NOX4: variants seen among roughly 807,000 people sequenced by gnomAD.
The protein encoded by NOX4 is kidney oxidase-1.
Under a neutral mutation model 87.6 loss-of-function variants are expected in NOX4, and 69 were observed. The ratio of observed to expected loss-of-function variants is 0.79; its 90% CI spans 0.65 to 0.96. The LOEUF is 0.96. NOX4 is among the 40% of genes least tolerant of loss of function. NOX4 has a pLI of 0.00. For missense variants in NOX4, 680 were observed against 681.5 expected (o/e 1.00, Z 0.02); for synonymous variants, 275 against 238.2 (o/e 1.15, Z -1.42).
rs182482077 is a variant in NOX4 at position 89,345,538 on chromosome 11, C to T, written c.1218-3345G>A. ...AACCAATACTGTACTCTACAGTGTACAGCAGCATTCAATACAGGTAGGTAA... is the reference window on the plus strand; with the variant it reads ...AACCAATACTGTACTCTACAGTGTATAGCAGCATTCAATACAGGTAGGTAA... On this transcript the variant is annotated intron_variant, in intron 13 of 17. Coordinates refer to ENST00000263317, the MANE Select transcript of NOX4 (RefSeq NM_016931.5). Among the ~76,000 whole-genome samples, 540 of 152,140 alleles carry T rather than the reference C, an allele frequency of 3.5e-3. 3 individuals carry two copies. The highest frequency in any genetic ancestry group is 6.8e-3 in the Middle Eastern group (2 of 294).
the NOX4 span, among the ~76,000 whole-genome samples, chr11:89,512,186 G>T: frequency 6.6e-6 from 1 of 151,928 alleles, no homozygotes; most frequent in South Asian, 2.1e-4. Context: ...ATATGCAAAC[G>T]CCCATGGAAC....
In NOX4 at chr11:89,340,742, C is replaced by T. The variant is rs146528157; in HGVS notation, c.1338-571G>A. On this transcript the variant is annotated intron_variant, in intron 14 of 17. Transcript: ENST00000263317. The stretch of plus-strand genomic sequence containing the variant: ...CAACTCATAATTCCAAGTCTGGATC[C>T]CCATTTATAAAGTAGGCTTGAGGTT... 1.4e-4 allele frequency among the ~76,000 whole-genome samples: 22 copies of T among 152,226 alleles called. No homozygotes were observed. In the East Asian group the frequency reaches 4.3e-3, roughly 29 times the overall value.
At chr11:89,446,432 A>G (rs1045329276) in intron 4 of NOX4, among the ~76,000 whole-genome samples, 1 of 152,126 alleles carries the variant, frequency 6.6e-6, no homozygotes, top group Non-Finnish European at 1.5e-5. Flanking sequence ...CAGCAGCTTT[A>G]TTCATTATTG....
intron 12 of NOX4, among the ~76,000 whole-genome samples, chr11:89,362,512 T>C (rs1280788816): frequency 1.3e-5 from 2 of 152,118 alleles, no homozygotes; most frequent in African/African-American, 2.4e-5. Flanking sequence ...TGATCATATA[T>C]AATAGCTTTT....
At chr11:89,371,522 T>G (rs1251219534) in intron 12 of NOX4, among the ~76,000 whole-genome samples, 1 of 151,536 alleles carries the variant, frequency 6.6e-6, no homozygotes, top group African/African-American at 2.4e-5. Context: ...CCATCAGGAG[T>G]TTCTGCTTAA....
At chr11:89,468,320 T>A (rs1945792728) in intron 2 of NOX4, among the ~76,000 whole-genome samples, 1 of 152,240 alleles carries the variant, frequency 6.6e-6, no homozygotes, top group African/African-American at 2.4e-5. Flanking sequence ...CCTAAATCAA[T>A]CTTGCTTTCT....
At chr11:89,547,242 C>A in the NOX4 span, among the ~76,000 whole-genome samples, 1 of 151,920 alleles carries the variant, frequency 6.6e-6, no homozygotes. Context: ...TGGGGGGGGA[C>A]AATTGATACC....
At chr11:89,373,623 A>T (rs1939622160) in intron 11 of NOX4, 131 bp from the exon 12 acceptor site, 1 of 598,556 alleles carries the variant, frequency 1.7e-6, no homozygotes. Flanking sequence ...ACTAAAATCT[A>T]TACAGATCCT....
At chr11:89,448,305 G>A (rs753222389) in intron 4 of NOX4, among the ~76,000 whole-genome samples, 4 of 152,134 alleles carry the variant, frequency 2.6e-5, no homozygotes, top group East Asian at 1.9e-4. Flanking sequence ...TAGAACCTAC[G>A]CATGGACTCC....
chr11:89,373,869 C>T (rs1046410617), intron 11 of NOX4, among the ~76,000 whole-genome samples: 17 of 151,974 alleles, frequency 1.1e-4, no homozygotes, highest in Admixed American at 3.9e-4. Context: ...GTCATTTTCT[C>T]CCTAGATAAT....
the NOX4 span, among the ~76,000 whole-genome samples, chr11:89,579,677 G>A: frequency 6.6e-6 from 1 of 152,188 alleles, no homozygotes; most frequent in Admixed American, 6.5e-5. Context: ...TTTATCAACT[G>A]TAACAAATTT....
the NOX4 span, among the ~76,000 whole-genome samples, chr11:89,539,820 G>A: frequency 6.6e-6 from 1 of 152,126 alleles, no homozygotes; most frequent in Non-Finnish European, 1.5e-5. Context: ...CAGGACAAGG[G>A]GAGCAGTCAT....
At chr11:89,425,899 G>A (rs1943370349) in intron 7 of NOX4, among the ~76,000 whole-genome samples, 2 of 152,034 alleles carry the variant, frequency 1.3e-5, no homozygotes, top group South Asian at 4.1e-4. Context: ...TTTCACATCT[G>A]AACAAGTAGA....
At chr11:89,577,199 G>A in the NOX4 span, 113 of 152,120 alleles carry the variant, frequency 7.4e-4, no homozygotes, top group African/African-American at 2.6e-3. Flanking sequence ...CTAGCATAGA[G>A]AATTACCCAA....
intron 11 of NOX4, among the ~76,000 whole-genome samples, chr11:89,381,724 TG>T (rs1353612744): frequency 1.3e-5 from 2 of 152,210 alleles, no homozygotes; most frequent in East Asian, 3.9e-4. Context: ...ATCAATCCCC[TG>T]TCCTCCTGCT....
chr11:89,426,422 G>T (rs1483228225), intron 7 of NOX4, among the ~76,000 whole-genome samples: 1 of 151,950 alleles, frequency 6.6e-6, no homozygotes, highest in Middle Eastern at 3.2e-3. Context: ...AGCAGGGTGA[G>T]GCATCGCCTC....
chr11:89,455,244 A>C (rs1945138317), intron 2 of NOX4, among the ~76,000 whole-genome samples: 1 of 152,062 alleles, frequency 6.6e-6, no homozygotes, highest in African/African-American at 2.4e-5. Context: ...GTGTCATAAT[A>C]CCTCAAACTT....
intron 7 of NOX4, among the ~76,000 whole-genome samples, chr11:89,428,375 C>A (rs1475030157): frequency 3.9e-5 from 6 of 152,136 alleles, no homozygotes; most frequent in Admixed American, 3.3e-4. Context: ...ACAATATTAA[C>A]CTTAAATGTA....
chr11:89,334,594 G>C (rs959319135), intron 17 of NOX4, among the ~76,000 whole-genome samples: 3 of 151,374 alleles, frequency 2.0e-5, no homozygotes, highest in Admixed American at 1.3e-4. Context: ...TCCTAAATTG[G>C]ATTTTTTAAA....
Sources: allele counts gnomAD v4.1 joint callset (sites outside exome capture counted in the v4.1 genomes callset), GRCh38; gene constraint gnomAD v4.1.1; transcripts MANE v1.5; gene names NCBI Gene and HGNC (gene_info 2026-07-23, HGNC 2026-07-21).